The following PTPRN2 variants were observed in gnomAD, a reference collection of about 807,000 sequenced individuals.
The protein encoded by PTPRN2 is receptor-type tyrosine-protein phosphatase N2.
Under a neutral mutation model 118.8 loss-of-function variants are expected in PTPRN2, and 74 were observed. The ratio of observed to expected loss-of-function variants is 0.62; its 90% CI spans 0.52 to 0.76. PTPRN2 has a LOEUF of 0.76. Ranked by LOEUF, PTPRN2 falls within the 30% of genes least tolerant of loss-of-function variation. The pLI, the probability that PTPRN2 is intolerant of heterozygous loss-of-function variation, is 0.00. For synonymous variants in PTPRN2, 641 were observed against 608.0 expected, an observed-to-expected ratio of 1.05 and a Z score of -0.80; for missense variants, 1,481 against 1,394.4, an observed-to-expected ratio of 1.06 and a Z score of -0.99.
In PTPRN2 at chr7:157,603,110, C is replaced by T. The variant is rs542959770; in HGVS notation, c.2418+892G>A. 3.3e-4 allele frequency among the ~76,000 whole-genome samples: 51 copies of T among 152,314 alleles called. 1 individual carries two copies. The South Asian group carries it at 9.5e-3, about 28-fold the overall frequency. Reference sequence around the variant, plus strand: ...TGGTTTAAAGTGCCATCCGCCAGGTCTCCAAAGCCCCGGCCCTGGACAGTG... The same window carrying T: ...TGGTTTAAAGTGCCATCCGCCAGGTTTCCAAAGCCCCGGCCCTGGACAGTG... On this transcript the variant is annotated intron_variant, in intron 16 of 22. Transcript: ENST00000389418. This position sits in a 1 kb window ranked among gnomAD's most constrained non-coding sequence, Gnocchi z 5.4.
chr7:158,310,847 C>T (rs1801666070), intron 3 of PTPRN2, among the ~76,000 whole-genome samples: 1 of 55,708 alleles, frequency 1.8e-5, no homozygotes, highest in Non-Finnish European at 4.5e-5. Context: ...GAGCGCAAAT[C>T]CCACGGAGGG....
intron 11 of PTPRN2, among the ~76,000 whole-genome samples, chr7:157,908,813 T>C (rs1797919049): frequency 6.6e-6 from 1 of 152,280 alleles, no homozygotes; most frequent in African/African-American, 2.4e-5. Flanking sequence ...TATTTGGCTT[T>C]AGAATTTTAA....
intron 2 of PTPRN2, among the ~76,000 whole-genome samples, chr7:158,488,781 T>A (rs1177894598): frequency 2.6e-5 from 4 of 152,258 alleles, no homozygotes; most frequent in African/African-American, 9.6e-5. Context: ...GCCCACAGTC[T>A]GAGGACAGAT....
chr7:158,337,750 A>G (rs1368408822), intron 2 of PTPRN2, among the ~76,000 whole-genome samples: 4 of 139,776 alleles, frequency 2.9e-5, no homozygotes, highest in Admixed American at 7.1e-5. Context: ...CACTCTCACC[A>G]TAAGAGGTGA....
Position 157,690,374 on chromosome 7 carries a change from C to G in PTPRN2, c.1789-7437G>C, listed in dbSNP as rs1797413891. Among the ~76,000 whole-genome samples the G allele has an allele frequency of 6.6e-6, 1 of 152,204 alleles. No individual in the cohort carries two copies. The highest frequency in any genetic ancestry group is 2.1e-4 in the South Asian group (1 of 4,830). ...ACGCCCTAGTTGCCCGTTAGAGCCCCCATGCGCGCCCTCCAGCCTTCGAAA... is the reference window on the plus strand; with the variant it reads ...ACGCCCTAGTTGCCCGTTAGAGCCCGCATGCGCGCCCTCCAGCCTTCGAAA... On this transcript the variant is annotated intron_variant, in intron 12 of 22. Transcript: ENST00000389418. The surrounding 1 kb of genome is among the most constrained non-coding windows in gnomAD (Gnocchi z 7.1).
intron 1 of PTPRN2, among the ~76,000 whole-genome samples, chr7:158,520,347 C>T (rs912997054): frequency 1.5e-4 from 23 of 152,184 alleles, no homozygotes; most frequent in African/African-American, 3.9e-4. Context: ...AGCAATGAAA[C>T]GGACTCTGAG....
intron 12 of PTPRN2, among the ~76,000 whole-genome samples, chr7:157,827,438 A>G (rs907787121): frequency 6.7e-6 from 1 of 149,172 alleles, no homozygotes; most frequent in Non-Finnish European, 1.5e-5. Flanking sequence ...TCTGGAGGCC[A>G]AGCTCGATCA....
intron 2 of PTPRN2, among the ~76,000 whole-genome samples, chr7:158,420,737 G>A (rs1815179948): frequency 6.6e-6 from 1 of 152,164 alleles, no homozygotes; most frequent in Admixed American, 6.5e-5. Context: ...CTTCCCAGAA[G>A]ATAATCCCAG....
At chr7:157,675,158 C>T (rs1186851954) in intron 13 of PTPRN2, among the ~76,000 whole-genome samples, 2 of 152,194 alleles carry the variant, frequency 1.3e-5, no homozygotes, top group East Asian at 1.9e-4. Context: ...CAAGTGTCTC[C>T]TCCCAACACC....
At chr7:158,449,738 C>T (rs928299823) in intron 2 of PTPRN2, among the ~76,000 whole-genome samples, 1 of 152,232 alleles carries the variant, frequency 6.6e-6, no homozygotes, top group Non-Finnish European at 1.5e-5. Flanking sequence ...GAGCATGTCA[C>T]ACATCAGTTT....
At position 158,138,313 on chromosome 7, in the gene PTPRN2, G is replaced by A. The variant is rs768483583; in HGVS notation, c.1113C>T (p.Leu371=). The A allele has an allele frequency of 6.2e-7, 1 of 1,613,254 alleles. No homozygotes were observed. Among genetic ancestry groups the A allele is most frequent in the Non-Finnish European group, 8.5e-7 (1 of 1,180,006 alleles). ...AGTCACCTGGAAAGCTGTCTCCACGGAGGGTGGCCTTGGGGCCATCCGCCT... is the reference window on the plus strand; with the variant it reads ...AGTCACCTGGAAAGCTGTCTCCACGAAGGGTGGCCTTGGGGCCATCCGCCT... ...GEQADGPKAT[L]RGDSFPDDGV... The change falls in exon 7 of 23, where the codon CTC becomes CTT. Residue 371 remains leucine (L), a synonymous_variant. Transcript: ENST00000389418.
At chr7:157,678,656 G>T (rs1005256243) in intron 13 of PTPRN2, among the ~76,000 whole-genome samples, 1 of 152,126 alleles carries the variant, frequency 6.6e-6, no homozygotes, top group Non-Finnish European at 1.5e-5. Flanking sequence ...GCACTTAGCC[G>T]CTGTGTTTAC....
intron 3 of PTPRN2, among the ~76,000 whole-genome samples, chr7:158,312,464 G>A (rs759633023): frequency 7.6e-4 from 106 of 139,860 alleles, no homozygotes; most frequent in Middle Eastern, 0.011. Flanking sequence ...ACATGCTCAC[G>A]TGGATACCCA....
At chr7:158,380,095 T>C (rs1810852863) in intron 2 of PTPRN2, among the ~76,000 whole-genome samples, 1 of 152,154 alleles carries the variant, frequency 6.6e-6, no homozygotes, top group African/African-American at 2.4e-5. Context: ...CAATTCAAGA[T>C]CAGATTTCAG....
chr7:158,459,565 C>T (rs1340211662), intron 2 of PTPRN2, among the ~76,000 whole-genome samples: 3 of 152,202 alleles, frequency 2.0e-5, no homozygotes, highest in Non-Finnish European at 4.4e-5. Flanking sequence ...TTCTCTTTCT[C>T]CCACTACCCT....
intron 2 of PTPRN2, among the ~76,000 whole-genome samples, chr7:158,441,288 G>GTGGTGA (rs1487869665): frequency 3.9e-5 from 4 of 101,462 alleles, no homozygotes; most frequent in Non-Finnish European, 4.9e-5. Context: ...GATGGTGGTG[G>GTGGTGA]TGGTGATGGT....
At chr7:158,470,294 A>C (rs1819759966) in intron 2 of PTPRN2, among the ~76,000 whole-genome samples, 1 of 152,222 alleles carries the variant, frequency 6.6e-6, no homozygotes, top group African/African-American at 2.4e-5. Flanking sequence ...ACATTTTCCT[A>C]GTGACTTGTG....
chr7:158,105,353 G>A (rs1815597243), intron 10 of PTPRN2, among the ~76,000 whole-genome samples: 1 of 144,386 alleles, frequency 6.9e-6, no homozygotes, highest in South Asian at 2.2e-4. Flanking sequence ...TCACTGAACT[G>A]CATCCGAGCT....
At chr7:158,333,279 C>T (rs1362116448) in intron 2 of PTPRN2, among the ~76,000 whole-genome samples, 1 of 134,226 alleles carries the variant, frequency 7.5e-6, no homozygotes, top group Non-Finnish European at 1.6e-5. Flanking sequence ...CTCACACCCA[C>T]ACTCTCACCA....
Sources: allele counts gnomAD v4.1 joint callset (sites outside exome capture counted in the v4.1 genomes callset), GRCh38; gene constraint gnomAD v4.1.1; non-coding constraint Gnocchi (gnomAD v3.1); transcripts MANE v1.5; gene names NCBI Gene and HGNC (gene_info 2026-07-23, HGNC 2026-07-21).